CARS1: variants seen among roughly 807,000 people sequenced by gnomAD.
The protein encoded by CARS1 is cysteine--tRNA ligase, cytoplasmic.
CARS1 carries 48 observed loss-of-function variants against 106.2 expected under a neutral mutation model. The observed-to-expected ratio is 0.45, with a 90% CI of 0.36 to 0.57. The LOEUF (loss-of-function observed/expected upper bound fraction) is 0.57, where lower values mean the gene tolerates loss of function less well. CARS1 is among the 20% of genes least tolerant of loss of function. The pLI is 0.00. For missense variants in CARS1, 968 were observed against 1,057.2 expected (o/e 0.92, Z 1.17); for synonymous variants, 409 against 403.4 (o/e 1.01, Z -0.17).
rs547247365 is a variant in CARS1, at chr11:3,020,579, G to A, written c.1154-247C>T. Among the ~76,000 whole-genome samples the A allele has an allele frequency of 6.6e-6, 1 of 152,308 alleles. No individual in the cohort carries two copies. Among genetic ancestry groups the A allele is most frequent in the East Asian group, 1.9e-4 (1 of 5,186 alleles). The stretch of plus-strand genomic sequence containing the variant: ...AGCTTATATACCTGGCTGACTTGAG[G>A]CCACATCTGGGGTCTCCGTAAGACA... On this transcript the variant is annotated intron_variant, in intron 10 of 22. Transcript: ENST00000380525. The surrounding 1 kb of genome is among the most constrained non-coding windows in gnomAD (Gnocchi z 4.6).
intron 17 of CARS1, among the ~76,000 whole-genome samples, chr11:3,014,644 CTA>C (rs1850813009): frequency 6.7e-6 from 1 of 149,144 alleles, no homozygotes; most frequent in Non-Finnish European, 1.5e-5. Flanking sequence ...AACAAAGAAG[CTA>C]TGTGGGTTTT....
intron 22 of CARS1, among the ~76,000 whole-genome samples, chr11:3,001,493 A>G (rs967671268): frequency 8.6e-5 from 13 of 152,046 alleles, no homozygotes; most frequent in Non-Finnish European, 1.0e-4. Flanking sequence ...GGTGAGGGGC[A>G]CTGTGCCCCT....
intron 1 of CARS1, among the ~76,000 whole-genome samples, chr11:3,049,746 C>A (rs1469407588): frequency 6.6e-6 from 1 of 152,234 alleles, no homozygotes; most frequent in East Asian, 1.9e-4. Flanking sequence ...GGATGCCCTG[C>A]ACATCACAGT....
At chr11:3,042,029 C>CT in intron 3 of CARS1, 136 bp downstream of exon 3, 2 of 626,658 alleles carry the variant, frequency 3.2e-6, no homozygotes, top group East Asian at 6.0e-5. Context: ...ACTGAAGGAT[C>CT]TTAAACCTGG....
At chr11:3,042,287 C>T (rs765552499) in intron 2 of CARS1, 31 bp from the exon 3 acceptor site, 4 of 1,564,622 alleles carry the variant, frequency 2.6e-6, no homozygotes, top group Non-Finnish European at 3.5e-6. Flanking sequence ...GATCAGGGTC[C>T]AGGGGCAGCA....
At position 3,017,280 on chromosome 11, in the gene CARS1, C is replaced by G. The variant is rs762818547; in HGVS notation, c.1743G>C (p.Lys581Asn). ...CACAGAGGGCTTTGTGAATTGCTGT[C>G]TTCTTGTCATAAAAGCTGAGCAACA... ...AELNKNFYDK[K>N]TAIHKALCDN... The change falls in exon 16 of 23, where the codon AAG becomes AAC. Residue 581 changes from lysine to asparagine, a missense_variant. Transcript: ENST00000380525. This position sits in a 1 kb window ranked among gnomAD's most constrained non-coding sequence, Gnocchi z 4.9. 1.2e-6 allele frequency: 2 copies of G among 1,613,244 alleles called. No homozygotes were observed. Among genetic ancestry groups the G allele is most frequent in the South Asian group, 2.2e-5 (2 of 91,064 alleles).
chr11:3,028,731 C>A lies in CARS1; in HGVS notation c.1031+265G>T, dbSNP rs1363371728. ...CACTCACCATTATGCAGCTCTGGGG[C>A]CCCATGACTGATGGTCTTGGCTGCC... On this transcript the variant is annotated intron_variant, in intron 9 of 22. Transcript: ENST00000380525. The surrounding 1 kb of genome is among the most constrained non-coding windows in gnomAD (Gnocchi z 4.4). 8 of 514,908 alleles carry A rather than the reference C, an allele frequency of 1.6e-5. No homozygotes were observed. Among genetic ancestry groups the A allele is most frequent in the Non-Finnish European group, 2.7e-5 (8 of 291,554 alleles). The allele number at this position is 514,908 out of a possible 1,614,324, so 31.9% of individuals were successfully genotyped here. A position where few individuals can be genotyped will look rare whatever the true frequency, so the allele number is the denominator to read the frequency against.
chr11:3,021,020 ACTGT>A lies in CARS1; in HGVS notation c.1154-692_1154-689del, dbSNP rs1221471149. Among the ~76,000 whole-genome samples, 3 of 152,086 alleles carry A rather than the reference ACTGT, an allele frequency of 2.0e-5. No individual in the cohort carries two copies. Among genetic ancestry groups the A allele is most frequent in the Non-Finnish European group, 2.9e-5 (2 of 68,014 alleles). On this transcript the variant is annotated intron_variant, in intron 10 of 22. Coordinates refer to ENST00000380525, the MANE Select transcript of CARS1 (RefSeq NM_001014437.3). The surrounding 1 kb of genome is among the most constrained non-coding windows in gnomAD (Gnocchi z 5.3). ...TGATCACCTGGCCAACAAAAACAAG[ACTGT>A]CTATGCCTTGCCAGAGGGATGAGAA...
intron 10 of CARS1, among the ~76,000 whole-genome samples, chr11:3,025,275 T>G (rs1236756966): frequency 1.3e-5 from 2 of 152,392 alleles, no homozygotes; most frequent in Admixed American, 1.3e-4. Flanking sequence ...TCACCCAGGC[T>G]GGAGTGCAGT....
At chr11:3,007,498 G>T (rs573969040) in intron 18 of CARS1, 2 of 153,384 alleles carry the variant, frequency 1.3e-5, no homozygotes, top group East Asian at 3.9e-4. Flanking sequence ...TGAGTCCCAG[G>T]ACCACCAAGG....
Position 3,021,830 on chromosome 11 carries a change from C to T in CARS1, c.1154-1498G>A, listed in dbSNP as rs988520770. Among the ~76,000 whole-genome samples, 1 of 152,188 alleles carries T rather than the reference C, an allele frequency of 6.6e-6. No homozygotes were observed. ...CGCACTGTTCTGCCACTGACAATTC[C>T]GCAAAAGCACAATGTGATATGGCCC... On this transcript the variant is annotated intron_variant, in intron 10 of 22. Transcript: ENST00000380525. The surrounding 1 kb of genome is among the most constrained non-coding windows in gnomAD (Gnocchi z 5.3).
In CARS1 at chr11:3,045,305, C is replaced by T. The variant is rs1447434354; in HGVS notation, c.274+2448G>A. On this transcript the variant is annotated intron_variant, in intron 2 of 22. Transcript: ENST00000380525. This position sits in a 1 kb window ranked among gnomAD's most constrained non-coding sequence, Gnocchi z 5.6. Reference sequence around the variant, plus strand: ...CCCGAGACGGAGTCTCGCTCTGTCACCTAGGCTGGAGTACAGTGGCACGAT... The same window carrying T: ...CCCGAGACGGAGTCTCGCTCTGTCATCTAGGCTGGAGTACAGTGGCACGAT... Among the ~76,000 whole-genome samples, 1 of 152,140 alleles carries T rather than the reference C, an allele frequency of 6.6e-6. No homozygotes were observed. The highest frequency in any genetic ancestry group is 2.4e-5 in the African/African-American group (1 of 41,428).
In CARS1 at chr11:3,019,324, A is replaced by G; in HGVS notation, c.1267-57T>C. 1 of 1,349,006 alleles carries G rather than the reference A, an allele frequency of 7.4e-7. No homozygotes were observed. The allele number at this position is 1,349,006 out of a possible 1,614,324, so 83.6% of individuals were successfully genotyped here. On this transcript the variant is annotated intron_variant, in intron 11 of 22. Transcript: ENST00000380525. This position sits in a 1 kb window ranked among gnomAD's most constrained non-coding sequence, Gnocchi z 6.2. ...AGCCTACCCGCTTGTCCAGGCCTTT[A>G]TCACTTATCACTCCAAGTTGATGGC...
chr11:3,055,130 C>A, intron 1 of CARS1: 2 of 597,930 alleles, frequency 3.3e-6, no homozygotes, highest in Non-Finnish European at 5.9e-6. Flanking sequence ...CTTGAAAAAT[C>A]TGGGAAGATG....
chr11:3,014,415 A>T (rs1420486846), intron 17 of CARS1, among the ~76,000 whole-genome samples: 2 of 152,214 alleles, frequency 1.3e-5, no homozygotes, highest in Non-Finnish European at 2.9e-5. Flanking sequence ...CATTCGCCGC[A>T]GCTGCTTCTT....
At chr11:3,024,899 T>C (rs1433247689) in intron 10 of CARS1, among the ~76,000 whole-genome samples, 1 of 152,220 alleles carries the variant, frequency 6.6e-6, no homozygotes, top group African/African-American at 2.4e-5. Context: ...AAGGATGTTC[T>C]TTAATTCCTG....
Position 3,039,106 on chromosome 11 carries a change from T to C in CARS1, c.651+88A>G, listed in dbSNP as rs1854070037. The C allele has an allele frequency of 4.9e-6, 4 of 816,670 alleles. No individual in the cohort carries two copies. The Admixed American group carries it at 8.8e-5, about 18-fold the overall frequency. 50.6% of individuals were successfully genotyped at this position (816,670 alleles called of 1,614,324 possible). ...TACACTTTGTGAAAGCCTGTGAGACTGACACTACCCTAGGGACAGTAGCCT... is the reference window on the plus strand; with the variant it reads ...TACACTTTGTGAAAGCCTGTGAGACCGACACTACCCTAGGGACAGTAGCCT... On this transcript the variant is annotated intron_variant, in intron 6 of 22. Transcript: ENST00000380525. This position sits in a 1 kb window ranked among gnomAD's most constrained non-coding sequence, Gnocchi z 5.6.
Position 3,053,576 on chromosome 11 carries a change from T to C in CARS1, c.25+3767A>G, listed in dbSNP as rs1369600822. Among the ~76,000 whole-genome samples, 2 of 152,134 alleles carry C rather than the reference T, an allele frequency of 1.3e-5. No individual in the cohort carries two copies. Among genetic ancestry groups the C allele is most frequent in the African/African-American group, 2.4e-5 (1 of 41,422 alleles). On this transcript the variant is annotated intron_variant, in intron 1 of 22. Transcript: ENST00000380525. This position sits in a 1 kb window ranked among gnomAD's most constrained non-coding sequence, Gnocchi z 6.6. ...CTCCCGGCTGCCCTGTTTCTCTTCC[T>C]GCGTTCCCTTGAGGCTCTCCCAGGT... is the stretch of plus-strand genomic sequence containing the variant.
In CARS1 at chr11:3,047,966, C is replaced by G; in HGVS notation, c.61G>C (p.Glu21Gln). The G allele has an allele frequency of 6.2e-7, 1 of 1,614,092 alleles. No homozygotes were observed. The highest frequency in any genetic ancestry group is 2.2e-5 in the East Asian group (1 of 44,886). Residue 21 changes from glutamate to glutamine, a missense_variant, in exon 2 of 23, where the codon GAG (glutamate) becomes CAG (glutamine). Coordinates refer to ENST00000380525, the MANE Select transcript of CARS1 (RefSeq NM_001014437.3). ...DYRSILSISD[E>Q]AARAQALNEH... ...TTCAGGGCTTGTGCCCTGGCTGCCT[C>G]GTCACTAATGCTCAGAATGGACCTG...
Sources: gnomAD v4.1 joint callset for allele counts (sites outside exome capture counted in the v4.1 genomes callset) on GRCh38, gnomAD v4.1.1 for gene constraint, Gnocchi (gnomAD v3.1) non-coding constraint, MANE v1.5 for transcripts, NCBI Gene and HGNC (gene_info 2026-07-23, HGNC 2026-07-21) for gene names.